TNFSF11: variants seen among roughly 807,000 people sequenced by gnomAD.
TNFSF11 encodes TNF superfamily member 11.
A neutral mutation model predicts 32.2 loss-of-function variants in TNFSF11; 12 were observed. That is an observed-to-expected ratio of 0.37 (90% CI 0.24 to 0.60). The LOEUF (loss-of-function observed/expected upper bound fraction) is 0.60. Ranked by LOEUF, TNFSF11 falls within the 20% of genes least tolerant of loss-of-function variation. The pLI is 0.66. For missense variants in TNFSF11, 345 were observed against 398.0 expected (o/e 0.87, Z 1.13); for synonymous variants, 172 against 152.1 (o/e 1.13, Z -0.96).
upstream of TNFSF11, among the ~76,000 whole-genome samples, chr13:42,572,661 A>T (rs1049082557): frequency 6.6e-6 from 1 of 152,212 alleles, no homozygotes; most frequent in Admixed American, 6.5e-5. Flanking sequence ...ATTGATACAC[A>T]TATAAATGCT....
chr13:42,585,458 G>T (rs1014631597), intron 2 of TNFSF11, among the ~76,000 whole-genome samples: 7 of 152,082 alleles, frequency 4.6e-5, no homozygotes, highest in Non-Finnish European at 1.0e-4. Context: ...TTTTGTTTGT[G>T]GCTGGGTTTT....
At chr13:42,582,586 C>G (rs547961563) in intron 2 of TNFSF11, among the ~76,000 whole-genome samples, 114 of 152,282 alleles carry the variant, frequency 7.5e-4, no homozygotes, top group African/African-American at 2.2e-3. Context: ...TTATGGAATG[C>G]ATGAAGTACC....
chr13:42,581,132 C>A lies in TNFSF11; in HGVS notation c.226C>A (p.Pro76Thr). 6.2e-7 allele frequency: 1 copy of A among 1,613,940 alleles called. No individual in the cohort carries two copies. Among genetic ancestry groups the A allele is most frequent in the Non-Finnish European group, 8.5e-7 (1 of 1,179,936 alleles). ...LFFYFRAQMD[P>T]NRISEDGTHC... is the part of the protein sequence containing the mutation. Reference sequence around the variant, plus strand: ...TACTGTTTCTCCTCCTCAGATGGATCCTAATAGAATATCAGAAGATGGCAC... The same window carrying A: ...TACTGTTTCTCCTCCTCAGATGGATACTAATAGAATATCAGAAGATGGCAC... The change falls in exon 2 of 5, where the codon CCT becomes ACT. Residue 76 changes from proline (P) to threonine (T), a missense_variant. Pro to Thr is a conservative substitution (Grantham distance 38, BLOSUM62 -1). Transcript: ENST00000398795.
At chr13:42,588,471 T>C (rs1365408308) in intron 2 of TNFSF11, among the ~76,000 whole-genome samples, 1 of 152,204 alleles carries the variant, frequency 6.6e-6, no homozygotes, top group Non-Finnish European at 1.5e-5. Context: ...GCCTTCATTA[T>C]GTGGCCTGGG....
intron 2 of TNFSF11, 99 bp downstream of exon 2, chr13:42,581,392 T>C: frequency 7.6e-7 from 1 of 1,322,178 alleles, no homozygotes; most frequent in Admixed American, 2.0e-5. Context: ...GCTCTTTTTA[T>C]TCTAATAATT....
intron 2 of TNFSF11, among the ~76,000 whole-genome samples, chr13:42,595,206 T>C (rs1013783989): frequency 1.3e-5 from 2 of 152,228 alleles, no homozygotes; most frequent in Non-Finnish European, 2.9e-5. Context: ...CTTTTATCCT[T>C]GAATGGGCAG....
chr13:42,564,118 TA>T (rs1348579137), intron 1 of TNFSF11, among the ~76,000 whole-genome samples: 2 of 150,488 alleles, frequency 1.3e-5, no homozygotes, highest in African/African-American at 4.8e-5. Flanking sequence ...TTAATCTAGT[TA>T]ATTATTAATT....
At chr13:42,581,433 A>G in intron 2 of TNFSF11, 140 bp downstream of exon 2, 1 of 934,636 alleles carries the variant, frequency 1.1e-6, no homozygotes, top group Admixed American at 2.6e-5. Context: ...TGCTTTAAAG[A>G]GATTAGCAGA....
At position 42,607,038 on chromosome 13, in the gene TNFSF11, G is replaced by A. The variant is rs201236024; in HGVS notation, c.*120G>A. The A allele has an allele frequency of 6.6e-5, 83 of 1,260,320 alleles. No individual in the cohort carries two copies. Among genetic ancestry groups the A allele is most frequent in the Middle Eastern group, 2.7e-4 (1 of 3,746 alleles). The allele number at this position is 1,260,320 out of a possible 1,614,324, so 78.1% of individuals were successfully genotyped here. A position where few individuals can be genotyped will look rare whatever the true frequency, so the allele number is the denominator to read the frequency against. ...AAGAGGCATGGCCCCAACGGTACAC[G>A]ACTCAGTATCCATGCTCTTGACCTT... On this transcript the variant is annotated 3_prime_UTR_variant, in exon 5 of 5. Transcript: ENST00000398795.
At chr13:42,566,808 C>G (rs1314411192) in intron 2 of TNFSF11, 1 of 151,994 alleles carries the variant, frequency 6.6e-6, no homozygotes, top group Non-Finnish European at 1.5e-5. Context: ...GTCTGGGCAA[C>G]ATAGGAAAAC....
At chr13:42,603,616 A>C (rs1430572820) in intron 4 of TNFSF11, among the ~76,000 whole-genome samples, 3 of 151,820 alleles carry the variant, frequency 2.0e-5, no homozygotes, top group Admixed American at 2.0e-4. Context: ...TCCAAGTCTG[A>C]CCCAAGGCCC....
rs201471191 is a variant in TNFSF11 at position 42,574,207 on chromosome 13, C to A, written c.-97C>A. ...AGCCGGGCTCCAAGTCGGCGCCCCA[C>A]GTCGAGGCTCCGCCGCAGCCTCCGG... On this transcript the variant is annotated 5_prime_UTR_variant, in exon 1 of 5. Coordinates refer to ENST00000398795, the MANE Select transcript of TNFSF11 (RefSeq NM_003701.4). 525 of 1,482,250 alleles carry A rather than the reference C, an allele frequency of 3.5e-4. No individual in the cohort carries two copies. Among genetic ancestry groups the A allele is most frequent in the Non-Finnish European group, 4.6e-4 (499 of 1,092,616 alleles). 91.8% of individuals were successfully genotyped at this position (1,482,250 alleles called of 1,614,324 possible).
chr13:42,577,016 C>T (rs1017460862), intron 1 of TNFSF11, among the ~76,000 whole-genome samples: 1 of 152,138 alleles, frequency 6.6e-6, no homozygotes, highest in African/African-American at 2.4e-5. Flanking sequence ...TATATCGGCT[C>T]TTTTGGATTG....
At position 42,593,925 on chromosome 13, in the gene TNFSF11, T is replaced by A. The variant is rs139857264; in HGVS notation, c.388-6827T>A. Among the ~76,000 whole-genome samples the A allele has an allele frequency of 3.6e-3, 543 of 152,274 alleles. 5 individuals are homozygous for A. Among genetic ancestry groups the A allele is most frequent in the African/African-American group, 0.012 (511 of 41,556 alleles). Reference sequence around the variant, plus strand: ...CAAATTCCTTCTTCTGTGCTCTGATTGACAGGTACCACATGGATCACACAA... The same window carrying A: ...CAAATTCCTTCTTCTGTGCTCTGATAGACAGGTACCACATGGATCACACAA... On this transcript the variant is annotated intron_variant, in intron 2 of 4. Transcript: ENST00000398795.
intron 2 of TNFSF11, 142 bp downstream of exon 2, chr13:42,581,435 AT>A: frequency 1.1e-6 from 1 of 917,552 alleles, no homozygotes; most frequent in Non-Finnish European, 1.7e-6. Flanking sequence ...CTTTAAAGAG[AT>A]TAGCAGAATT....
intron 2 of TNFSF11, among the ~76,000 whole-genome samples, chr13:42,600,241 T>G (rs1286953959): frequency 3.3e-5 from 5 of 152,230 alleles, no homozygotes; most frequent in Non-Finnish European, 7.3e-5. Flanking sequence ...ATATAGTGCT[T>G]TAAGTACACT....
intron 2 of TNFSF11, among the ~76,000 whole-genome samples, chr13:42,589,986 C>G (rs1434424425): frequency 6.6e-6 from 1 of 152,230 alleles, no homozygotes; most frequent in Non-Finnish European, 1.5e-5. Context: ...AGATGCCCGC[C>G]CACCCACCTG....
At chr13:42,600,116 A>T (rs1454365865) in intron 2 of TNFSF11, among the ~76,000 whole-genome samples, 2 of 152,180 alleles carry the variant, frequency 1.3e-5, no homozygotes, top group Non-Finnish European at 2.9e-5. Flanking sequence ...AAATTGAGAT[A>T]TGCAATTACC....
intron 2 of TNFSF11, among the ~76,000 whole-genome samples, chr13:42,592,531 G>A (rs1257187661): frequency 6.6e-6 from 1 of 152,212 alleles, no homozygotes; most frequent in Non-Finnish European, 1.5e-5. Flanking sequence ...ATGTTCACCT[G>A]CTAGGAAGGC....
Sources: gnomAD v4.1 joint callset for allele counts (sites outside exome capture counted in the v4.1 genomes callset) on GRCh38, gnomAD v4.1.1 for gene constraint, MANE v1.5 for transcripts, NCBI Gene and HGNC (gene_info 2026-07-23, HGNC 2026-07-21) for gene names.